CFDP1: variants seen among roughly 807,000 people sequenced by gnomAD.
CFDP1 encodes chromatin remodeling protein CFDP1, also known as heterochromatin-stabilizing protein CFDP1.
In CFDP1, 31 loss-of-function variants were observed where a neutral mutation model predicts 40.1. The ratio of observed to expected loss-of-function variants is 0.77; its 90% CI spans 0.58 to 1.04. The LOEUF (loss-of-function observed/expected upper bound fraction) is 1.04. Among genes scored for constraint, CFDP1 ranks in the 50% least tolerant of loss-of-function variants. The pLI is 0.00. For synonymous variants in CFDP1, 167 were observed against 120.0 expected, an observed-to-expected ratio of 1.39 and a Z score of -2.56; for missense variants, 423 against 343.4, an observed-to-expected ratio of 1.23 and a Z score of -1.83.
At chr16:75,343,946 C>G (rs956852196) in intron 5 of CFDP1, among the ~76,000 whole-genome samples, 3 of 152,162 alleles carry the variant, frequency 2.0e-5, no homozygotes, top group African/African-American at 7.2e-5. Context: ...TTAAGAATCT[C>G]TAGCAGGGTA....
At chr16:75,430,170 TTTG>T (rs1204026965) in intron 1 of CFDP1, among the ~76,000 whole-genome samples, 11 of 42,672 alleles carry the variant, frequency 2.6e-4, no homozygotes, top group Non-Finnish European at 4.8e-4. Context: ...GTTTTTTTTG[TTTG>T]TTTGTTTGTT....
At chr16:75,391,978 A>AT (rs1555562891) in intron 5 of CFDP1, among the ~76,000 whole-genome samples, 1 of 151,884 alleles carries the variant, frequency 6.6e-6, no homozygotes, top group Non-Finnish European at 1.5e-5. Flanking sequence ...AAAAAAATAA[A>AT]AAATAAATAA....
intron 5 of CFDP1, among the ~76,000 whole-genome samples, chr16:75,378,569 C>A (rs2078822907): frequency 6.6e-6 from 1 of 152,014 alleles, no homozygotes; most frequent in Admixed American, 6.6e-5. Context: ...CCAGGCTGGA[C>A]ACATACAAAA....
Position 75,393,761 on chromosome 16 carries a change from AAAAAAAAAAAAAG to A in CFDP1, c.650+1316_650+1328del, listed in dbSNP as rs2078972727. Among the ~76,000 whole-genome samples, 16 of 114,194 alleles carry A rather than the reference AAAAAAAAAAAAAG, an allele frequency of 1.4e-4. 3 individuals carry two copies. Among genetic ancestry groups the A allele is most frequent in the South Asian group, 3.0e-4 (1 of 3,360 alleles). The allele number at this position is 114,194 out of a possible 152,430, so 74.9% of individuals were successfully genotyped here. A position where few individuals can be genotyped will look rare whatever the true frequency, so the allele number is the denominator to read the frequency against. On this transcript the variant is annotated intron_variant, in intron 5 of 6. Transcript: ENST00000283882. Reference sequence around the variant, plus strand: ...GCAAAAAAAAAAAAAAAAAAAAAAAAAAAAAAAAAAAAGTGGGGCCGGGCCCGGTGGCTCACGC... The same window carrying A: ...GCAAAAAAAAAAAAAAAAAAAAAAAATGGGGCCGGGCCCGGTGGCTCACGC...
At position 75,354,215 on chromosome 16, in the gene CFDP1, T is replaced by C. The variant is rs1341070501; in HGVS notation, c.650+40875A>G. 4.6e-5 allele frequency among the ~76,000 whole-genome samples: 7 copies of C among 152,222 alleles called. No individual in the cohort carries two copies. In the East Asian group the frequency reaches 7.7e-4, roughly 17 times the overall value. On this transcript the variant is annotated intron_variant, in intron 5 of 6. Coordinates refer to ENST00000283882, the MANE Select transcript of CFDP1 (RefSeq NM_006324.3). Reference sequence around the variant, plus strand: ...AGGCCAAGCTTTGATGTTTGGTAGGTTGGGTGAATTAAATGCATTTTCAAC... The same window carrying C: ...AGGCCAAGCTTTGATGTTTGGTAGGCTGGGTGAATTAAATGCATTTTCAAC...
At chr16:75,392,728 T>A (rs1304511910) in intron 5 of CFDP1, among the ~76,000 whole-genome samples, 7 of 152,202 alleles carry the variant, frequency 4.6e-5, no homozygotes, top group Non-Finnish European at 1.0e-4. Context: ...CAGTATTTAC[T>A]CCTACTACAT....
At chr16:75,332,211 T>A (rs2078450933) in intron 5 of CFDP1, among the ~76,000 whole-genome samples, 1 of 152,164 alleles carries the variant, frequency 6.6e-6, no homozygotes, top group African/African-American at 2.4e-5. Flanking sequence ...ACGCCTGTAA[T>A]CCCAGCACTT....
intron 5 of CFDP1, among the ~76,000 whole-genome samples, chr16:75,366,129 C>A (rs1372348198): frequency 1.3e-5 from 2 of 152,180 alleles, no homozygotes; most frequent in African/African-American, 2.4e-5. Flanking sequence ...AAAAACAACA[C>A]AATGTCCATC....
At chr16:75,413,372 T>G (rs2079178849) in intron 2 of CFDP1, among the ~76,000 whole-genome samples, 1 of 152,022 alleles carries the variant, frequency 6.6e-6, no homozygotes, top group Admixed American at 6.6e-5. Context: ...TTTTTCTCTT[T>G]TACTTCATAT....
intron 5 of CFDP1, chr16:75,391,183 C>G (rs973022345): frequency 2.6e-5 from 4 of 152,284 alleles, no homozygotes; most frequent in Admixed American, 2.0e-4. Flanking sequence ...CAAGTAGAAT[C>G]TCTAAGCATC....
At chr16:75,387,323 G>A (rs1278151759) in intron 5 of CFDP1, among the ~76,000 whole-genome samples, 1 of 151,956 alleles carries the variant, frequency 6.6e-6, no homozygotes, top group African/African-American at 2.4e-5. Flanking sequence ...TGTTTTTTTA[G>A]TGGAGACGGG....
At chr16:75,302,190 T>C (rs190273033) in intron 6 of CFDP1, among the ~76,000 whole-genome samples, 22 of 152,344 alleles carry the variant, frequency 1.4e-4, no homozygotes, top group Non-Finnish European at 2.5e-4. Context: ...TTAATCTTGT[T>C]TTCCCTTCCA....
At chr16:75,312,341 C>T (rs1263127638) in intron 5 of CFDP1, among the ~76,000 whole-genome samples, 1 of 152,134 alleles carries the variant, frequency 6.6e-6, no homozygotes, top group Non-Finnish European at 1.5e-5. Flanking sequence ...GATTTTTAAA[C>T]CTTTTGTGGC....
chr16:75,389,398 T>G (rs2078929202), intron 5 of CFDP1, among the ~76,000 whole-genome samples: 1 of 152,248 alleles, frequency 6.6e-6, no homozygotes, highest in Admixed American at 6.5e-5. Context: ...GCTTATTCCA[T>G]TCCCAAAACA....
At chr16:75,346,859 C>T (rs2078569955) in intron 5 of CFDP1, among the ~76,000 whole-genome samples, 1 of 151,912 alleles carries the variant, frequency 6.6e-6, no homozygotes, top group African/African-American at 2.4e-5. Context: ...AGTTAGTCAA[C>T]AGGACTTGCC....
At chr16:75,366,416 A>AAC (rs2078714133) in intron 5 of CFDP1, among the ~76,000 whole-genome samples, 1 of 152,106 alleles carries the variant, frequency 6.6e-6, no homozygotes, top group Non-Finnish European at 1.5e-5. Flanking sequence ...TGAGGCAGGC[A>AAC]GCTCAGTATC....
chr16:75,309,676 C>G (rs976254185), intron 5 of CFDP1, among the ~76,000 whole-genome samples: 1 of 151,890 alleles, frequency 6.6e-6, no homozygotes, highest in Non-Finnish European at 1.5e-5. Context: ...AAAAATTAGC[C>G]GGGCGTGGTG....
chr16:75,333,641 T>G (rs1029764497), intron 5 of CFDP1, among the ~76,000 whole-genome samples: 1 of 152,194 alleles, frequency 6.6e-6, no homozygotes, highest in East Asian at 1.9e-4. Context: ...ACAAAAATAT[T>G]TGATGGATGC....
chr16:75,315,545 T>G (rs950869279), intron 5 of CFDP1, among the ~76,000 whole-genome samples: 2 of 152,058 alleles, frequency 1.3e-5, no homozygotes, highest in African/African-American at 2.4e-5. Context: ...AATTCCAATA[T>G]GGTCTGGTGC....
Sources: allele counts gnomAD v4.1 joint callset (sites outside exome capture counted in the v4.1 genomes callset), GRCh38; gene constraint gnomAD v4.1.1; transcripts MANE v1.5; gene names NCBI Gene and HGNC (gene_info 2026-07-23, HGNC 2026-07-21).